Variants in VIL1 observed in about 807,000 individuals in gnomAD.
The protein encoded by VIL1 is villin-1.
VIL1 carries 86 observed loss-of-function variants against 104.0 expected under a neutral mutation model. The observed-to-expected ratio is 0.83, with a 90% CI of 0.69 to 0.99. The LOEUF is 0.99. Ranked by LOEUF, VIL1 falls within the 50% of genes least tolerant of loss-of-function variation. The probability of loss-of-function intolerance (pLI) is 0.00; values close to 1 mark genes in which losing one functional copy is unlikely to be tolerated. For synonymous variants in VIL1, 394 were observed against 412.6 expected (o/e 0.95, Z 0.55); for missense variants, 944 against 1,054.1 (o/e 0.90, Z 1.45).
rs759270222 is a variant in VIL1 at position 218,425,752 on chromosome 2, C to T, written c.288C>T (p.His96=). The T allele has an allele frequency of 2.5e-6, 4 of 1,614,006 alleles. No individual in the cohort carries two copies. Among genetic ancestry groups the T allele is most frequent in the South Asian group, 2.2e-5 (2 of 91,082 alleles). Residue 96 remains histidine (H), a synonymous_variant, in exon 4 of 20, where the codon CAC becomes CAT. Transcript: ENST00000248444. ...DDFLKGRAVQ[H]REVQGNESEA... is the part of the protein sequence containing the mutation. ...TCCTGAAGGGCCGGGCTGTGCAGCA[C>T]CGCGAGGTCCAGGGCAACGAGAGCG... is the stretch of plus-strand genomic sequence containing the variant.
Position 218,429,622 on chromosome 2 carries a change from G to T in VIL1, c.796G>T (p.Val266Leu). The T allele has an allele frequency of 6.2e-7, 1 of 1,614,118 alleles. No homozygotes were observed. Among genetic ancestry groups the T allele is most frequent in the South Asian group, 1.1e-5 (1 of 91,088 alleles). ...YHVSDSEGNL[V>L]VREVATRPLT... The stretch of plus-strand genomic sequence containing the variant: ...TGTGTCTGACTCCGAGGGGAATCTG[G>T]TGGTGAGGGAAGTCGCCACACGGCC... Residue 266 changes from valine to leucine, a missense_variant, in exon 8 of 20, where the codon GTG (valine) becomes TTG (leucine). Physicochemically the swap from Val to Leu is conservative, Grantham distance 32. Transcript: ENST00000248444.
chr2:218,433,901 GAAA>G (rs35518584), intron 13 of VIL1, among the ~76,000 whole-genome samples: 3 of 118,516 alleles, frequency 2.5e-5, no homozygotes, highest in Non-Finnish European at 1.8e-5. Context: ...CCGTCTCAAG[GAAA>G]AAAAAAAAAA....
chr2:218,425,560 C>T, intron 3 of VIL1, 55 bp from the exon 4 acceptor site: 1 of 1,584,324 alleles, frequency 6.3e-7, no homozygotes, highest in South Asian at 1.1e-5. Context: ...TCACACAGAG[C>T]TGGAGGGGCT....
In VIL1 at chr2:218,429,353, C is replaced by T. The variant is rs749839179; in HGVS notation, c.636C>T (p.Asp212=). The T allele has an allele frequency of 4.5e-5, 73 of 1,614,020 alleles. No individual in the cohort carries two copies. Among genetic ancestry groups the T allele is most frequent in the East Asian group, 6.7e-5 (3 of 44,874 alleles). ...GGCGCACCTATGTAGGCGTGGTGGA[C>T]GGAGAGAATGAATTGGCATCCCCGA... ...RGGRTYVGVV[D]GENELASPKL... is the part of the protein sequence containing the mutation. The change falls in exon 7 of 20, where the codon GAC becomes GAT. Residue 212 remains aspartate (D), a synonymous_variant. Transcript: ENST00000248444.
At chr2:218,423,554 CCT>C (rs986985022) in intron 1 of VIL1, among the ~76,000 whole-genome samples, 13 of 152,112 alleles carry the variant, frequency 8.5e-5, no homozygotes, top group African/African-American at 2.9e-4. Context: ...CTTCCCTCCC[CCT>C]CTCTTCCTTA....
At chr2:218,426,294 G>A (rs1377495798) in intron 4 of VIL1, among the ~76,000 whole-genome samples, 2 of 150,428 alleles carry the variant, frequency 1.3e-5, no homozygotes, top group African/African-American at 4.9e-5. Context: ...TTGCTTTGTT[G>A]CCCAGGCTGG....
At chr2:218,435,266 T>C (rs762910415) in intron 14 of VIL1, 23 bp from the exon 15 acceptor site, 1 of 1,609,580 alleles carries the variant, frequency 6.2e-7, no homozygotes, top group Non-Finnish European at 8.5e-7. Context: ...CACTAGAAAT[T>C]AGCCAACTCT....
At chr2:218,428,481 T>C (rs1689040713) in intron 6 of VIL1, 144 bp downstream of exon 6, 2 of 686,976 alleles carry the variant, frequency 2.9e-6, no homozygotes, top group Non-Finnish European at 5.2e-6. Flanking sequence ...CAGGCATGCA[T>C]GTTGGAGTTT....
rs774180643 is a variant in VIL1 at position 218,428,263 on chromosome 2, G to A, written c.493G>A (p.Val165Ile). 6.2e-6 allele frequency: 10 copies of A among 1,614,102 alleles called. No homozygotes were observed. In the South Asian group the frequency reaches 1.1e-4, roughly 18 times the overall value. Residue 165 changes from valine to isoleucine, a missense_variant, in exon 6 of 20, where the codon GTT (valine) becomes ATT (isoleucine). Transcript: ENST00000248444. ...MSWKSFNRGDVFLLDLGKLII... is the reference protein window; with the variant it reads ...MSWKSFNRGDIFLLDLGKLII... The stretch of plus-strand genomic sequence containing the variant: ...CTGGAAGAGTTTCAACCGAGGGGAT[G>A]TTTTCCTCCTGGACCTTGGGAAGCT...
intron 19 of VIL1, among the ~76,000 whole-genome samples, chr2:218,446,383 C>T (rs1689363792): frequency 6.6e-6 from 1 of 152,004 alleles, no homozygotes; most frequent in African/African-American, 2.4e-5. Context: ...TACAGGTTCC[C>T]ACCATCATGC....
rs910307334 is a variant in VIL1 at position 218,451,823 on chromosome 2, A to G, written c.*2487A>G. The G allele has an allele frequency of 2.0e-5, 3 of 152,666 alleles. No individual in the cohort carries two copies. The highest frequency in any genetic ancestry group is 4.4e-5 in the Non-Finnish European group (3 of 68,028). The allele number at this position is 152,666 out of a possible 1,614,324, so 9.5% of individuals were successfully genotyped here. A position where few individuals can be genotyped will look rare whatever the true frequency, so the allele number is the denominator to read the frequency against. On this transcript the variant is annotated 3_prime_UTR_variant, in exon 20 of 20. Coordinates refer to ENST00000248444, the MANE Select transcript of VIL1 (RefSeq NM_007127.3). Reference sequence around the variant, plus strand: ...CATATTTACATTTGTTGTATTTGTTATTGAGCCTTTAAGGTTAGGCCCAGA... The same window carrying G: ...CATATTTACATTTGTTGTATTTGTTGTTGAGCCTTTAAGGTTAGGCCCAGA...
At chr2:218,428,642 A>C (rs763796759) in intron 6 of VIL1, among the ~76,000 whole-genome samples, 8 of 152,140 alleles carry the variant, frequency 5.3e-5, no homozygotes, top group Non-Finnish European at 1.0e-4. Context: ...CTGTGTGTGC[A>C]CTGTGAGACT....
chr2:218,449,453 AAACT>A lies in VIL1; in HGVS notation c.*118_*121del. The A allele has an allele frequency of 1.2e-6, 1 of 808,324 alleles. No homozygotes were observed. Among genetic ancestry groups the A allele is most frequent in the Non-Finnish European group, 2.1e-6 (1 of 481,878 alleles). 50.1% of individuals were successfully genotyped at this position (808,324 alleles called of 1,614,324 possible). A position where few individuals can be genotyped will look rare whatever the true frequency, so the allele number is the denominator to read the frequency against. On this transcript the variant is annotated 3_prime_UTR_variant, in exon 20 of 20. Coordinates refer to ENST00000248444, the MANE Select transcript of VIL1 (RefSeq NM_007127.3). ...ATTTTGCAGATGTGCCTATGAGCAC[AAACT>A]TCTGTGGCAAATGCCAGTTTTGTTT...
chr2:218,423,635 G>T (rs974901439), intron 1 of VIL1, 133 bp from the exon 2 acceptor site: 36 of 772,184 alleles, frequency 4.7e-5, no homozygotes, highest in Non-Finnish European at 7.8e-5. Flanking sequence ...CCCTGAGTGG[G>T]GAGTAACCCT....
chr2:218,427,985 C>T lies in VIL1; in HGVS notation c.368C>T (p.Ala123Val), dbSNP rs1246682159. 2.5e-6 allele frequency: 4 copies of T among 1,614,026 alleles called. No individual in the cohort carries two copies. Among genetic ancestry groups the T allele is most frequent in the Non-Finnish European group, 3.4e-6 (4 of 1,180,038 alleles). The change falls in exon 5 of 20, where the codon GCT becomes GTT. Residue 123 changes from alanine to valine, a missense_variant. Coordinates refer to ENST00000248444, the MANE Select transcript of VIL1 (RefSeq NM_007127.3). ...CTCAGGATCCGGAAAGGGGGCGTGG[C>T]TTCTGGCATGAAGCACGTGGAGACC... ...QGLVIRKGGV[A>V]SGMKHVETNS... is the part of the protein sequence containing the mutation.
At position 218,429,471 on chromosome 2, in the gene VIL1, GCACT is replaced by G; in HGVS notation, c.757_760del (p.Leu253AsnfsTer14). 2 of 1,613,974 alleles carry G rather than the reference GCACT, an allele frequency of 1.2e-6. No homozygotes were observed. The highest frequency in any genetic ancestry group is 1.7e-6 in the Non-Finnish European group (2 of 1,179,988). On this transcript the variant is annotated frameshift_variant, in exon 7 of 20. Transcript: ENST00000248444. LOFTEE classifies it high-confidence loss of function. ...GGTGGTGGAGCCGGCACTCAAGGCTGCACTCAAACTGTACCAGTGAGCGCCCAGC... is the reference window on the plus strand; with the variant it reads ...GGTGGTGGAGCCGGCACTCAAGGCTGCAAACTGTACCAGTGAGCGCCCAGC...
At chr2:218,427,473 C>T (rs977252737) in intron 4 of VIL1, among the ~76,000 whole-genome samples, 2 of 151,786 alleles carry the variant, frequency 1.3e-5, no homozygotes, top group East Asian at 1.9e-4. Context: ...TACAGGCACC[C>T]GCCACCATGC....
At chr2:218,427,891 C>T in intron 4 of VIL1, 74 bp from the exon 5 acceptor site, 3 of 1,453,188 alleles carry the variant, frequency 2.1e-6, no homozygotes, top group Non-Finnish European at 1.9e-6. Flanking sequence ...AGCGTGGCAG[C>T]CAGGACCTGG....
intron 2 of VIL1, among the ~76,000 whole-genome samples, 178 bp from the exon 3 acceptor site, chr2:218,424,099 C>T (rs1043549738): frequency 1.3e-4 from 20 of 152,096 alleles, no homozygotes; most frequent in African/African-American, 3.6e-4. Flanking sequence ...CTTCCTTTCC[C>T]TCCATTGATT....
Sources: allele counts gnomAD v4.1 joint callset (sites outside exome capture counted in the v4.1 genomes callset), GRCh38; gene constraint gnomAD v4.1.1; transcripts MANE v1.5; gene names NCBI Gene and HGNC (gene_info 2026-07-23, HGNC 2026-07-21).